Variants in EFCAB5 observed in about 807,000 individuals in gnomAD.
The protein encoded by EFCAB5 is EF-hand calcium binding domain 5, also known as EF-hand calcium-binding domain-containing protein 5.
In EFCAB5, 131 loss-of-function variants were observed where a neutral mutation model predicts 167.9. The ratio of observed to expected loss-of-function variants is 0.78; its 90% CI spans 0.68 to 0.90. EFCAB5 has a LOEUF of 0.90. Among genes scored for constraint, EFCAB5 ranks in the 40% least tolerant of loss-of-function variants. EFCAB5 has a pLI of 0.00. For missense variants in EFCAB5, 1,663 were observed against 1,745.2 expected (o/e 0.95, Z 0.84); for synonymous variants, 574 against 602.8 (o/e 0.95, Z 0.70).
At chr17:30,104,462 A>G (rs1432082095) in intron 22 of EFCAB5, among the ~76,000 whole-genome samples, 1 of 152,200 alleles carries the variant, frequency 6.6e-6, no homozygotes, top group East Asian at 1.9e-4. Flanking sequence ...TTCTGAACTA[A>G]TGTCCATAGA....
In EFCAB5 at chr17:30,023,816, C is replaced by A. The variant is rs186709136; in HGVS notation, c.1045-10414C>A. Reference sequence around the variant, plus strand: ...TGGCAAACCGAATCCAGCAACACATCAAAAAGCTTATCCACCATGATCAAG... The same window carrying A: ...TGGCAAACCGAATCCAGCAACACATAAAAAAGCTTATCCACCATGATCAAG... On this transcript the variant is annotated intron_variant, in intron 7 of 22. Coordinates refer to ENST00000394835, the MANE Select transcript of EFCAB5 (RefSeq NM_198529.4). Among the ~76,000 whole-genome samples the A allele has an allele frequency of 1.1e-3, 162 of 152,288 alleles. 1 individual carries two copies. Among genetic ancestry groups the A allele is most frequent in the African/African-American group, 3.7e-3 (152 of 41,574 alleles).
intron 4 of EFCAB5, among the ~76,000 whole-genome samples, chr17:29,986,894 G>A (rs935806730): frequency 1.8e-4 from 27 of 151,920 alleles, no homozygotes; most frequent in Admixed American, 9.2e-4. Context: ...TGATCCGCCC[G>A]CCTCGGCCTC....
At chr17:29,945,401 C>G (rs2067378111) in intron 3 of EFCAB5, among the ~76,000 whole-genome samples, 1 of 151,392 alleles carries the variant, frequency 6.6e-6, no homozygotes, top group Non-Finnish European at 1.5e-5. Context: ...ATACACATTA[C>G]AATACATATT....
At chr17:29,940,922 C>T (rs1452179620), upstream of EFCAB5, among the ~76,000 whole-genome samples, 1 of 151,846 alleles carries the variant, frequency 6.6e-6, no homozygotes, top group Non-Finnish European at 1.5e-5. Context: ...CACCTGTAGT[C>T]CCAGCTACTC....
Position 30,091,957 on chromosome 17 carries a change from C to T in EFCAB5, c.4024C>T (p.Leu1342Phe), listed in dbSNP as rs755440057. Residue 1342 changes from leucine to phenylalanine, a missense_variant, in exon 21 of 23, where the codon CTC becomes TTC. Physicochemically the swap from Leu to Phe is conservative, Grantham distance 22. Transcript: ENST00000394835. ...CGAGCTACAGGAAAGCATCCAACTA[C>T]TCAATTCCATGGAATTTGTGTCACT... ...LLELQESIQL[L>F]NSMEFVSLLL... 1.9e-6 allele frequency: 3 copies of T among 1,614,016 alleles called. No homozygotes were observed. The highest frequency in any genetic ancestry group is 2.2e-5 in the East Asian group (1 of 44,888).
chr17:29,961,403 A>T (rs2067717033), intron 3 of EFCAB5, among the ~76,000 whole-genome samples: 1 of 152,168 alleles, frequency 6.6e-6, no homozygotes, highest in East Asian at 1.9e-4. Context: ...CTCATTTACC[A>T]CATCATCTTT....
chr17:29,982,360 TCCAGC>T, intron 4 of EFCAB5, among the ~76,000 whole-genome samples: 1 of 152,180 alleles, frequency 6.6e-6, no homozygotes, highest in Middle Eastern at 3.4e-3. Flanking sequence ...ACCACTGCAT[TCCAGC>T]CTAGGTGACA....
chr17:29,986,431 C>T (rs750267029), intron 4 of EFCAB5, among the ~76,000 whole-genome samples: 12 of 152,182 alleles, frequency 7.9e-5, no homozygotes, highest in African/African-American at 1.7e-4. Flanking sequence ...GGCCATGGCA[C>T]GCAGACTGAG....
chr17:30,065,056 A>T (rs567877118), intron 14 of EFCAB5, among the ~76,000 whole-genome samples: 2 of 152,264 alleles, frequency 1.3e-5, no homozygotes, highest in Non-Finnish European at 2.9e-5. Context: ...GCCTTACAAG[A>T]AATGCTCAAG....
At chr17:30,010,615 G>T (rs1267806627) in intron 7 of EFCAB5, among the ~76,000 whole-genome samples, 1 of 152,222 alleles carries the variant, frequency 6.6e-6, no homozygotes, top group African/African-American at 2.4e-5. Flanking sequence ...TTTGAAAAGT[G>T]TCTGTTCATA....
At position 30,092,062 on chromosome 17, in the gene EFCAB5, A is replaced by C; in HGVS notation, c.4129A>C (p.Lys1377Gln). Reference protein sequence around the residue: ...SKSMELEANVKLVRDILKAVI... With the variant: ...SKSMELEANVQLVRDILKAVI... Reference sequence around the variant, plus strand: ...ATCTATGGAGTTGGAAGCCAACGTGAAACTAGTGCGTGACATCCTGAAGGC... The same window carrying C: ...ATCTATGGAGTTGGAAGCCAACGTGCAACTAGTGCGTGACATCCTGAAGGC... Residue 1377 changes from lysine to glutamine, a missense_variant, in exon 21 of 23, where the codon AAA becomes CAA. Physicochemically the swap from Lys to Gln is moderately conservative, Grantham distance 53. Coordinates refer to ENST00000394835, the MANE Select transcript of EFCAB5 (RefSeq NM_198529.4). 6.2e-7 allele frequency: 1 copy of C among 1,613,994 alleles called. No homozygotes were observed. The highest frequency in any genetic ancestry group is 8.5e-7 in the Non-Finnish European group (1 of 1,179,880).
At chr17:30,014,933 G>T (rs1157193539) in intron 7 of EFCAB5, among the ~76,000 whole-genome samples, 1 of 152,136 alleles carries the variant, frequency 6.6e-6, no homozygotes, top group Non-Finnish European at 1.5e-5. Context: ...GCAGTGGCTG[G>T]TACTGGTTGT....
At position 29,993,234 on chromosome 17, in the gene EFCAB5, C is replaced by G. The variant is rs756031291; in HGVS notation, c.837C>G (p.Val279=). 2 of 1,613,648 alleles carry G rather than the reference C, an allele frequency of 1.2e-6. No homozygotes were observed. The highest frequency in any genetic ancestry group is 3.3e-5 in the Admixed American group (2 of 59,986). The change falls in exon 5 of 23, where the codon GTC becomes GTG. Residue 279 remains valine (V), a synonymous_variant. Coordinates refer to ENST00000394835, the MANE Select transcript of EFCAB5 (RefSeq NM_198529.4). ...KQRESIDKII[V]KVANTRKQAL... is the part of the protein sequence containing the mutation. The stretch of plus-strand genomic sequence containing the variant: ...GAGAAAGCATAGACAAAATCATAGT[C>G]AAGGTGGCCAACACACGGAAACAGG...
intron 12 of EFCAB5, among the ~76,000 whole-genome samples, chr17:30,057,355 TAGTTCTTCCAAA>T (rs1422355386): frequency 1.3e-5 from 2 of 152,232 alleles, no homozygotes; most frequent in Non-Finnish European, 2.9e-5. Context: ...TCGTCCCTAA[TAGTTCTTCCAAA>T]AGTTCTGAGG....
chr17:30,100,355 G>C (rs1365204779), intron 22 of EFCAB5, among the ~76,000 whole-genome samples: 1 of 152,262 alleles, frequency 6.6e-6, no homozygotes. Flanking sequence ...ATACACTATG[G>C]TAGAAAATAA....
chr17:29,949,349 TA>T (rs1203083779), intron 3 of EFCAB5, among the ~76,000 whole-genome samples: 4 of 152,224 alleles, frequency 2.6e-5, no homozygotes, highest in African/African-American at 9.6e-5. Context: ...TAGTTCTTTT[TA>T]TATTAGAAGG....
chr17:29,984,704 G>A (rs2151615638), intron 4 of EFCAB5, among the ~76,000 whole-genome samples: 1 of 152,194 alleles, frequency 6.6e-6, no homozygotes, highest in South Asian at 2.1e-4. Flanking sequence ...GGCAACAAGA[G>A]CGAAACTCCA....
At chr17:30,049,260 T>A (rs2070015874) in intron 8 of EFCAB5, among the ~76,000 whole-genome samples, 1 of 152,056 alleles carries the variant, frequency 6.6e-6, no homozygotes, top group Non-Finnish European at 1.5e-5. Context: ...GGTGGGCGGA[T>A]CACGAGGTCA....
intron 7 of EFCAB5, among the ~76,000 whole-genome samples, chr17:30,020,606 C>A (rs1232851360): frequency 6.6e-6 from 1 of 152,126 alleles, no homozygotes; most frequent in Admixed American, 6.5e-5. Flanking sequence ...CCACCCGCCT[C>A]GGCCTCCCTA....
Sources: allele counts gnomAD v4.1 joint callset (sites outside exome capture counted in the v4.1 genomes callset), GRCh38; gene constraint gnomAD v4.1.1; transcripts MANE v1.5; gene names NCBI Gene and HGNC (gene_info 2026-07-23, HGNC 2026-07-21).